MCOLN2: variants seen among roughly 807,000 people sequenced by gnomAD.
The protein encoded by MCOLN2 is mucolipin TRP cation channel 2, also known as mucolipin-2.
Under a neutral mutation model 67.5 loss-of-function variants are expected in MCOLN2, and 57 were observed. The observed-to-expected ratio is 0.84, with a 90% CI of 0.68 to 1.05. The LOEUF (loss-of-function observed/expected upper bound fraction) is 1.05. Ranked by LOEUF, MCOLN2 falls within the 50% of genes least tolerant of loss-of-function variation. MCOLN2 has a pLI of 0.00. For synonymous variants in MCOLN2, 246 were observed against 233.3 expected (o/e 1.05, Z -0.50); for missense variants, 620 against 678.8 (o/e 0.91, Z 0.96).
chr1:84,955,363 C>A (rs988820215), intron 4 of MCOLN2, among the ~76,000 whole-genome samples: 2 of 151,920 alleles, frequency 1.3e-5, no homozygotes, highest in African/African-American at 4.8e-5. Flanking sequence ...TTTCACGGTG[C>A]GAAACATGTT....
Position 84,948,777 on chromosome 1 carries a change from A to G in MCOLN2, c.748-1645T>C, listed in dbSNP as rs537796806. ...AAAAATCTTGGAGCTGAATTATTCA[A>G]TGAGTGAAATTAAAAAATTACAATT... On this transcript the variant is annotated intron_variant, in intron 6 of 13. Transcript: ENST00000370608. Among the ~76,000 whole-genome samples the G allele has an allele frequency of 2.0e-5, 3 of 152,370 alleles. No homozygotes were observed. The South Asian group carries it at 6.2e-4, about 32-fold the overall frequency.
At position 84,931,416 on chromosome 1, in the gene MCOLN2, A is replaced by G; in HGVS notation, c.1488T>C (p.Tyr496=). The part of the protein sequence containing the change: ...YLYSFISLFI[Y]MILSLFIALI... ...GTGCAATAAAAAGACTGAGAATCAT[A>G]TATATAAAAAGGCTGATGAAGGAAT... The change falls in exon 12 of 14, where the codon TAT becomes TAC. Residue 496 remains tyrosine (Y), a synonymous_variant. Coordinates refer to ENST00000370608, the MANE Select transcript of MCOLN2 (RefSeq NM_153259.4). The G allele has an allele frequency of 6.3e-7, 1 of 1,597,370 alleles. No individual in the cohort carries two copies. Among genetic ancestry groups the G allele is most frequent in the South Asian group, 1.1e-5 (1 of 90,700 alleles).
intron 11 of MCOLN2, among the ~76,000 whole-genome samples, chr1:84,933,479 C>G (rs901524795): frequency 6.6e-6 from 1 of 152,214 alleles, no homozygotes; most frequent in Non-Finnish European, 1.5e-5. Context: ...ATGAACAGAT[C>G]ACTTAACAAT....
chr1:84,957,019 C>T (rs1570990174), intron 3 of MCOLN2, among the ~76,000 whole-genome samples: 1 of 152,290 alleles, frequency 6.6e-6, no homozygotes, highest in South Asian at 2.1e-4. Context: ...TTCCGCACCT[C>T]AATGAGGCCT....
Position 84,937,970 on chromosome 1 carries a change from C to G in MCOLN2, c.1212+11G>C. ...CAACTGCAGTGGCACTACCCGGTGCCGCATCCTTACATTATATGCCTGGAA... is the reference window on the plus strand; with the variant it reads ...CAACTGCAGTGGCACTACCCGGTGCGGCATCCTTACATTATATGCCTGGAA... On this transcript the variant is annotated intron_variant, in intron 10 of 13. Coordinates refer to ENST00000370608, the MANE Select transcript of MCOLN2 (RefSeq NM_153259.4). The G allele has an allele frequency of 6.2e-7, 1 of 1,612,960 alleles. No homozygotes were observed. The highest frequency in any genetic ancestry group is 8.5e-7 in the Non-Finnish European group (1 of 1,178,998).
intron 13 of MCOLN2, among the ~76,000 whole-genome samples, chr1:84,927,203 T>C (rs61768811): frequency 9.1e-6 from 1 of 110,030 alleles, no homozygotes; most frequent in Non-Finnish European, 2.0e-5. Context: ...TAAAGTAAAA[T>C]TAAAAAAAAA....
chr1:84,948,853 C>T (rs111915295), intron 6 of MCOLN2, among the ~76,000 whole-genome samples: 3,896 of 152,302 alleles, frequency 0.026, 169 homozygotes, highest in African/African-American at 0.089. Flanking sequence ...AATTTCTGGC[C>T]GGGTGCAGTG....
chr1:84,985,098 GA>G (rs375270641), intron 1 of MCOLN2, among the ~76,000 whole-genome samples: 136 of 143,640 alleles, frequency 9.5e-4, no homozygotes, highest in African/African-American at 2.1e-3. Context: ...TCAAAATGAG[GA>G]AAAAAAAAAA....
At chr1:84,946,280 C>G (rs901552680) in intron 7 of MCOLN2, among the ~76,000 whole-genome samples, 4 of 152,120 alleles carry the variant, frequency 2.6e-5, no homozygotes, top group Non-Finnish European at 4.4e-5. Context: ...TATGTATACC[C>G]TTATTTCTCT....
intron 1 of MCOLN2, among the ~76,000 whole-genome samples, chr1:84,974,265 G>C (rs948680953): frequency 3.9e-5 from 6 of 152,056 alleles, no homozygotes; most frequent in Admixed American, 2.6e-4. Flanking sequence ...ACTGGGCCCA[G>C]AAACAGTGGA....
At chr1:84,957,369 C>T (rs764587304) in intron 3 of MCOLN2, among the ~76,000 whole-genome samples, 2 of 152,144 alleles carry the variant, frequency 1.3e-5, no homozygotes, top group Admixed American at 6.5e-5. Flanking sequence ...ACTAATAGGG[C>T]TTTACTAGCT....
intron 1 of MCOLN2, among the ~76,000 whole-genome samples, chr1:84,966,249 C>T (rs2102859615): frequency 6.6e-6 from 1 of 151,898 alleles, no homozygotes; most frequent in South Asian, 2.1e-4. Flanking sequence ...GAGACTCCCT[C>T]TCAAAAAAAT....
At chr1:84,940,354 GAT>G (rs1171725338) in intron 8 of MCOLN2, among the ~76,000 whole-genome samples, 1 of 152,210 alleles carries the variant, frequency 6.6e-6, no homozygotes, top group East Asian at 1.9e-4. Flanking sequence ...GCCAGAATAA[GAT>G]ATGTGGGGAG....
chr1:84,939,855 C>T (rs955894994), intron 8 of MCOLN2, among the ~76,000 whole-genome samples, 153 bp from the exon 9 acceptor site: 3 of 152,238 alleles, frequency 2.0e-5, no homozygotes, highest in Admixed American at 6.5e-5. Flanking sequence ...TTACGGCACA[C>T]ACTTTCCCCT....
chr1:84,931,983 C>G (rs1350006092), intron 11 of MCOLN2, among the ~76,000 whole-genome samples: 1 of 151,970 alleles, frequency 6.6e-6, no homozygotes, highest in East Asian at 1.9e-4. Flanking sequence ...AAGCTTCTGC[C>G]ACTGCACTGC....
At chr1:84,982,752 G>C (rs1309302334) in intron 1 of MCOLN2, among the ~76,000 whole-genome samples, 1 of 152,156 alleles carries the variant, frequency 6.6e-6, no homozygotes, top group Non-Finnish European at 1.5e-5. Flanking sequence ...ACAGAAAATG[G>C]AGTACAGTGG....
chr1:84,969,562 C>A, intron 1 of MCOLN2, among the ~76,000 whole-genome samples: 1 of 143,198 alleles, frequency 7.0e-6, no homozygotes. Context: ...CAGAGTAAGA[C>A]TCTGCCTCAA....
chr1:84,979,052 A>G (rs1650127882), intron 1 of MCOLN2, among the ~76,000 whole-genome samples: 1 of 152,100 alleles, frequency 6.6e-6, no homozygotes, highest in Non-Finnish European at 1.5e-5. Context: ...TGCTTATTCT[A>G]GCCCAGCTGG....
intron 1 of MCOLN2, among the ~76,000 whole-genome samples, chr1:84,990,297 C>CAAAAAA (rs34226507): frequency 2.3e-4 from 8 of 34,982 alleles, no homozygotes; most frequent in Admixed American, 5.1e-4. Flanking sequence ...GACTCCATCT[C>CAAAAAA]AAAAAAAAAA....
Sources: allele counts gnomAD v4.1 joint callset (sites outside exome capture counted in the v4.1 genomes callset), GRCh38; gene constraint gnomAD v4.1.1; transcripts MANE v1.5; gene names NCBI Gene and HGNC (gene_info 2026-07-23, HGNC 2026-07-21).